NCKAP1L: variants seen among roughly 807,000 people sequenced by gnomAD.
NCKAP1L encodes the protein nck-associated protein 1-like.
NCKAP1L carries 53 observed loss-of-function variants against 139.2 expected under a neutral mutation model. The ratio of observed to expected loss-of-function variants is 0.38; its 90% CI spans 0.31 to 0.48. The LOEUF (loss-of-function observed/expected upper bound fraction) is 0.48. NCKAP1L is among the 20% of genes least tolerant of loss of function. NCKAP1L has a pLI of 0.98. For synonymous variants in NCKAP1L, 468 were observed against 499.7 expected, an observed-to-expected ratio of 0.94 and a Z score of 0.85; for missense variants, 1,151 against 1,381.9, an observed-to-expected ratio of 0.83 and a Z score of 2.65.
intron 11 of NCKAP1L, 46 bp from the exon 12 acceptor site, chr12:54,517,487 C>T (rs1215795629): frequency 4.7e-6 from 6 of 1,275,966 alleles, no homozygotes; most frequent in Non-Finnish European, 6.9e-6. Context: ...GCTTTGAAAT[C>T]CATTTTTAAA....
At chr12:54,534,331 G>A (rs1182977170) in intron 26 of NCKAP1L, among the ~76,000 whole-genome samples, 4 of 152,192 alleles carry the variant, frequency 2.6e-5, no homozygotes, top group Non-Finnish European at 5.9e-5. Context: ...AAGTGGTGTT[G>A]CTAGGACTTG....
intron 30 of NCKAP1L, among the ~76,000 whole-genome samples, chr12:54,540,464 T>C (rs1396767684): frequency 1.3e-5 from 2 of 152,134 alleles, no homozygotes; most frequent in Non-Finnish European, 2.9e-5. Context: ...GGTGGTGGGC[T>C]ATGTGGGGGC....
Position 54,526,102 on chromosome 12 carries a change from G to A in NCKAP1L, c.2157-426G>A, listed in dbSNP as rs137855211. 3.0e-3 allele frequency among the ~76,000 whole-genome samples: 453 copies of A among 152,212 alleles called. 4 individuals are homozygous for A. Among genetic ancestry groups the A allele is most frequent in the Non-Finnish European group, 4.5e-3 (304 of 68,014 alleles). On this transcript the variant is annotated intron_variant, in intron 20 of 30. Transcript: ENST00000293373. ...TGGTTTTCCATTTCTGGCAGTGATC[G>A]GAACTAATTCTTTTCAAGGGGAAAA...
intron 3 of NCKAP1L, among the ~76,000 whole-genome samples, chr12:54,505,858 C>A (rs996564050): frequency 6.6e-6 from 1 of 152,162 alleles, no homozygotes; most frequent in Non-Finnish European, 1.5e-5. Flanking sequence ...GACGGGGTTT[C>A]TCCATGTTGG....
chr12:54,532,712 C>G lies in NCKAP1L; in HGVS notation c.2862+462C>G, dbSNP rs190158280. ...CCTCCCATCCTTAAGCTTTCTGGTT[C>G]CTCTATGTCTGTTTCACCTGCCTCA... On this transcript the variant is annotated intron_variant, in intron 26 of 30. Transcript: ENST00000293373. Among the ~76,000 whole-genome samples, 164 of 152,198 alleles carry G rather than the reference C, an allele frequency of 1.1e-3. 1 individual carries two copies. The highest frequency in any genetic ancestry group is 3.8e-3 in the African/African-American group (159 of 41,528).
chr12:54,541,791 C>A (rs1287136482), intron 30 of NCKAP1L, among the ~76,000 whole-genome samples: 1 of 152,080 alleles, frequency 6.6e-6, no homozygotes, highest in Non-Finnish European at 1.5e-5. Context: ...GGACACCTCT[C>A]CAGAGTGTGT....
intron 5 of NCKAP1L, among the ~76,000 whole-genome samples, chr12:54,509,074 T>C (rs1956865373): frequency 6.6e-6 from 1 of 152,228 alleles, no homozygotes; most frequent in Non-Finnish European, 1.5e-5. Context: ...GGAATAATAT[T>C]AGTAAGGTAA....
chr12:54,501,825 A>C (rs184761904), intron 3 of NCKAP1L, among the ~76,000 whole-genome samples: 1 of 152,326 alleles, frequency 6.6e-6, no homozygotes, highest in African/African-American at 2.4e-5. Flanking sequence ...ACTGTTTTCC[A>C]CAGTGGCTGT....
chr12:54,541,464 C>T (rs1257098919), intron 30 of NCKAP1L, among the ~76,000 whole-genome samples: 1 of 152,316 alleles, frequency 6.6e-6, no homozygotes, highest in South Asian at 2.1e-4. Flanking sequence ...GAGAAGACAG[C>T]TCATCTCTTT....
At chr12:54,513,993 TG>T (rs1460719849) in intron 9 of NCKAP1L, among the ~76,000 whole-genome samples, 2 of 152,026 alleles carry the variant, frequency 1.3e-5, no homozygotes, top group African/African-American at 4.8e-5. Context: ...TGTGTGTGTG[TG>T]TGTGTGTATA....
rs4758964 is a variant in NCKAP1L, at chr12:54,528,556, A to G, written c.2506+179A>G. Among the ~76,000 whole-genome samples the G allele has an allele frequency of 0.49, 73,953 of 151,994 alleles. 19,410 individuals carry two copies. Among genetic ancestry groups the G allele is most frequent in the African/African-American group, 0.69 (28,604 of 41,434 alleles). On this transcript the variant is annotated intron_variant, in intron 22 of 30. Coordinates refer to ENST00000293373, the MANE Select transcript of NCKAP1L (RefSeq NM_005337.5). ...AATAGTGAAGGGTAAGGGATAAAGT[A>G]TAAGGAGGACATTCTCCTGTTTGGA... is the stretch of plus-strand genomic sequence containing the variant.
Position 54,535,177 on chromosome 12 carries a change from C to A in NCKAP1L, c.2936C>A (p.Ala979Asp), listed in dbSNP as rs371476332. 6.2e-7 allele frequency: 1 copy of A among 1,613,258 alleles called. No individual in the cohort carries two copies. The stretch of plus-strand genomic sequence containing the variant: ...GACATTGACCCAGCCTTGGTGGCTG[C>A]CATTGCTAATCTGAAAGCTGGTAAG... ...GCDIDPALVAAIANLKADTSS... is the reference protein window; with the variant it reads ...GCDIDPALVADIANLKADTSS... Residue 979 changes from alanine to aspartate, a missense_variant, in exon 27 of 31, where the codon GCC (alanine) becomes GAC (aspartate). By Grantham distance (126) the Ala-to-Asp change is moderately radical. Coordinates refer to ENST00000293373, the MANE Select transcript of NCKAP1L (RefSeq NM_005337.5).
intron 20 of NCKAP1L, among the ~76,000 whole-genome samples, 179 bp downstream of exon 20, chr12:54,524,135 A>G (rs750404919): frequency 6.6e-6 from 1 of 152,168 alleles, no homozygotes; most frequent in African/African-American, 2.4e-5. Context: ...TCTCTATTAA[A>G]AGCAAACAAA....
rs138460707 is a variant in NCKAP1L at position 54,521,196 on chromosome 12, C to T, written c.1836C>T (p.Cys612=). ...LEELAKQTSN[C]VLEICAEQRN... is the part of the protein sequence containing the mutation. ...AGTTGGCCAAGCAGACCAGCAATTG[C>T]GTCCTGGAGATCTGTGCTGAGCAGC... The change falls in exon 18 of 31, where the codon TGC becomes TGT. Residue 612 remains cysteine (C), a synonymous_variant. Transcript: ENST00000293373. 130 of 1,613,986 alleles carry T rather than the reference C, an allele frequency of 8.1e-5. No homozygotes were observed. Among genetic ancestry groups the T allele is most frequent in the African/African-American group, 3.5e-4 (26 of 74,908 alleles).
At position 54,511,524 on chromosome 12, in the gene NCKAP1L, C is replaced by T. The variant is rs543798147; in HGVS notation, c.736-279C>T. ...TGGGTTCAAAAGATCCTCCTATCTC[C>T]TCCTCCTGAGTACCTAGGACTACAG... On this transcript the variant is annotated intron_variant, in intron 7 of 30. Coordinates refer to ENST00000293373, the MANE Select transcript of NCKAP1L (RefSeq NM_005337.5). Among the ~76,000 whole-genome samples, 32 of 152,354 alleles carry T rather than the reference C, an allele frequency of 2.1e-4. No homozygotes were observed. In the South Asian group the frequency reaches 6.2e-3, roughly 30 times the overall value.
chr12:54,531,739 T>A lies in NCKAP1L; in HGVS notation c.2699-4T>A. ...TCTTTTCTAACACGCTTCTTTCTCC[T>A]CAGGGGCTGAAAATGTGCTAAAGCG... is the stretch of plus-strand genomic sequence containing the variant. On this transcript the variant is annotated splice_polypyrimidine_tract_variant and splice_region_variant and intron_variant, in intron 24 of 30. Transcript: ENST00000293373. The A allele has an allele frequency of 6.2e-7, 1 of 1,610,926 alleles. No individual in the cohort carries two copies. Among genetic ancestry groups the A allele is most frequent in the South Asian group, 1.1e-5 (1 of 91,056 alleles).
At position 54,547,326 on chromosome 12, in the gene NCKAP1L, C is replaced by T. The variant is rs1957204650; in HGVS notation, c.*4641C>T. 1 of 152,148 alleles carries T rather than the reference C, an allele frequency of 6.6e-6. No individual in the cohort carries two copies. The highest frequency in any genetic ancestry group is 2.4e-5 in the African/African-American group (1 of 41,424). 9.4% of individuals were successfully genotyped at this position (152,148 alleles called of 1,614,324 possible). A position where few individuals can be genotyped will look rare whatever the true frequency, so the allele number is the denominator to read the frequency against. On this transcript the variant is annotated 3_prime_UTR_variant, in exon 31 of 31. Transcript: ENST00000293373. Reference sequence around the variant, plus strand: ...CTGATAGACTTGGCTCTGGTTTTATCACTTACTCTCTGTGAGACCCTATAA... The same window carrying T: ...CTGATAGACTTGGCTCTGGTTTTATTACTTACTCTCTGTGAGACCCTATAA...
chr12:54,527,978 T>A (rs1297573410), intron 21 of NCKAP1L, among the ~76,000 whole-genome samples: 6 of 152,166 alleles, frequency 3.9e-5, no homozygotes, highest in Admixed American at 2.6e-4. Context: ...GAGCAGTGGT[T>A]GAGGGAGGGG....
intron 20 of NCKAP1L, among the ~76,000 whole-genome samples, chr12:54,524,768 A>G (rs1215156804): frequency 6.6e-6 from 1 of 152,180 alleles, no homozygotes; most frequent in Non-Finnish European, 1.5e-5. Flanking sequence ...GTAGTAGATT[A>G]GATAGTGATA....
Sources: allele counts gnomAD v4.1 joint callset (sites outside exome capture counted in the v4.1 genomes callset), GRCh38; gene constraint gnomAD v4.1.1; transcripts MANE v1.5; gene names NCBI Gene and HGNC (gene_info 2026-07-23, HGNC 2026-07-21).